The following ADAM19 variants were observed in gnomAD, a reference collection of about 807,000 sequenced individuals.
ADAM19 encodes ADAM metallopeptidase domain 19.
A neutral mutation model predicts 114.7 loss-of-function variants in ADAM19; 65 were observed. The observed-to-expected ratio is 0.57, with a 90% CI of 0.46 to 0.70. ADAM19 has a LOEUF of 0.70. ADAM19 is among the 30% of genes least tolerant of loss of function. The pLI is 0.00. For missense variants in ADAM19, 1,063 were observed against 1,204.7 expected (o/e 0.88, Z 1.74); for synonymous variants, 466 against 460.5 (o/e 1.01, Z -0.15).
In ADAM19 at chr5:157,479,416, A is replaced by C; in HGVS notation, c.*1533T>G. 1.0e-6 allele frequency: 1 copy of C among 986,014 alleles called. No individual in the cohort carries two copies. The highest frequency in any genetic ancestry group is 1.2e-6 in the Non-Finnish European group (1 of 830,086). 61.1% of individuals were successfully genotyped at this position (986,014 alleles called of 1,614,324 possible). A position where few individuals can be genotyped will look rare whatever the true frequency, so the allele number is the denominator to read the frequency against. ...GGCAGGATGGGAGGAGGCCCCAGGA[A>C]AGCCTCAGAGGAGTGAGAGTCAGGC... On this transcript the variant is annotated 3_prime_UTR_variant, in exon 23 of 23. Coordinates refer to ENST00000257527, the MANE Select transcript of ADAM19 (RefSeq NM_033274.5).
rs765072237 is a variant in ADAM19 at position 157,491,834 on chromosome 5, C to T, written c.1986+1G>A. 6.2e-7 allele frequency: 1 copy of T among 1,614,230 alleles called. No individual in the cohort carries two copies. Among genetic ancestry groups the T allele is most frequent in the Non-Finnish European group, 8.5e-7 (1 of 1,180,024 alleles). On this transcript the variant is annotated splice_donor_variant, in intron 17 of 22. Transcript: ENST00000257527. LOFTEE classifies it high-confidence loss of function. ...CAGAGAAGCCAGAACCCAGCACGCACCCCATGGCCATTGCACTTCTTCCCA... is the reference window on the plus strand; with the variant it reads ...CAGAGAAGCCAGAACCCAGCACGCATCCCATGGCCATTGCACTTCTTCCCA...
At position 157,481,850 on chromosome 5, in the gene ADAM19, G is replaced by C. The variant is rs778722685; in HGVS notation, c.2644C>G (p.Leu882Val). ...TGAGGGCCAGCACCAGGGGGCCGCA[G>C]TGGGGATGCACCTCCTGGCCTGGGG... is the stretch of plus-strand genomic sequence containing the variant. Reference protein sequence around the residue: ...SLPRPGGASPLRPPGAGPQQS... With the variant: ...SLPRPGGASPVRPPGAGPQQS... Residue 882 changes from leucine (L) to valine (V), a missense_variant, in exon 22 of 23, where the codon CTG becomes GTG. By Grantham distance (32) the Leu-to-Val change is conservative. Around this residue, in one of 3 missense-constraint regions of ADAM19, gnomAD observed 424 missense variants for 445.5 expected, o/e 0.95. Coordinates refer to ENST00000257527, the MANE Select transcript of ADAM19 (RefSeq NM_033274.5). The C allele has an allele frequency of 6.3e-7, 1 of 1,590,022 alleles. No individual in the cohort carries two copies. The highest frequency in any genetic ancestry group is 1.1e-5 in the South Asian group (1 of 87,332).
chr5:157,525,294 T>C (rs992759008), intron 5 of ADAM19, among the ~76,000 whole-genome samples: 2 of 152,190 alleles, frequency 1.3e-5, no homozygotes, highest in Non-Finnish European at 2.9e-5. Flanking sequence ...GACTTGCCAC[T>C]TCTTCTCCAG....
intron 8 of ADAM19, among the ~76,000 whole-genome samples, chr5:157,512,869 G>A (rs1057387026): frequency 6.6e-6 from 1 of 152,184 alleles, no homozygotes; most frequent in African/African-American, 2.4e-5. Context: ...AACTTTTAAG[G>A]CTGTGTGTCT....
rs1754674769 is a variant in ADAM19, at chr5:157,479,092, G to A, written c.*1857C>T. The A allele has an allele frequency of 2.0e-6, 2 of 985,720 alleles. No homozygotes were observed. Among genetic ancestry groups the A allele is most frequent in the South Asian group, 9.4e-5 (2 of 21,286 alleles). The allele number at this position is 985,720 out of a possible 1,614,324, so 61.1% of individuals were successfully genotyped here. Reference sequence around the variant, plus strand: ...AAAAGGTTGGGCCACAGGAAAGGTGGGGAATGGATCTCCACAGCAAGGATG... The same window carrying A: ...AAAAGGTTGGGCCACAGGAAAGGTGAGGAATGGATCTCCACAGCAAGGATG... On this transcript the variant is annotated 3_prime_UTR_variant, in exon 23 of 23. Transcript: ENST00000257527.
intron 7 of ADAM19, among the ~76,000 whole-genome samples, chr5:157,516,935 A>AGCAC (rs763936180): frequency 6.7e-6 from 1 of 150,254 alleles, no homozygotes; most frequent in South Asian, 2.1e-4. Flanking sequence ...GAAAACATAG[A>AGCAC]ACACACACAC....
At chr5:157,502,776 C>G (rs1755611170) in intron 12 of ADAM19, 27 bp downstream of exon 12, 1 of 1,602,302 alleles carries the variant, frequency 6.2e-7, no homozygotes. Flanking sequence ...TTCTTCCCCT[C>G]CCACTAGCAC....
At chr5:157,549,552 A>C (rs1462546322) in intron 3 of ADAM19, among the ~76,000 whole-genome samples, 1 of 152,152 alleles carries the variant, frequency 6.6e-6, no homozygotes, top group Non-Finnish European at 1.5e-5. Flanking sequence ...GCAAGACAAT[A>C]TTTCAAGTAA....
intron 5 of ADAM19, among the ~76,000 whole-genome samples, chr5:157,530,488 G>A (rs55931963): frequency 0.11 from 16,350 of 152,176 alleles, 929 homozygotes; most frequent in South Asian, 0.16. Flanking sequence ...TGGCACAGCC[G>A]GGCCCCTCCC....
chr5:157,546,082 C>T (rs985070569), intron 3 of ADAM19, among the ~76,000 whole-genome samples: 2 of 152,224 alleles, frequency 1.3e-5, no homozygotes, highest in Non-Finnish European at 2.9e-5. Flanking sequence ...GCCAGTGAGG[C>T]AGGCCTAGGT....
intron 1 of ADAM19, among the ~76,000 whole-genome samples, chr5:157,573,638 C>T (rs1370374206): frequency 6.6e-6 from 1 of 151,862 alleles, no homozygotes; most frequent in Non-Finnish European, 1.5e-5. Context: ...CCCAGCTACT[C>T]AGGAGGCTGA....
intron 1 of ADAM19, among the ~76,000 whole-genome samples, chr5:157,574,435 G>C (rs1196097925): frequency 6.6e-6 from 1 of 152,098 alleles, no homozygotes; most frequent in Non-Finnish European, 1.5e-5. Flanking sequence ...CTCAAAGGGC[G>C]GTTCCTTTGA....
rs539636103 is a variant in ADAM19 at position 157,504,848 on chromosome 5, G to T, written c.1130+821C>A. 1.6e-4 allele frequency among the ~76,000 whole-genome samples: 25 copies of T among 152,042 alleles called. No individual in the cohort carries two copies. The South Asian group carries it at 5.0e-3, about 30-fold the overall frequency. ...TTTAAAAATCCCTCATGTCCAGCGC[G>T]GTGGCTCACACCTGTAATCCCAGCA... On this transcript the variant is annotated intron_variant, in intron 11 of 22. Transcript: ENST00000257527.
intron 1 of ADAM19, among the ~76,000 whole-genome samples, chr5:157,573,162 T>TA (rs1485619894): frequency 2.0e-5 from 3 of 152,120 alleles, no homozygotes; most frequent in Non-Finnish European, 4.4e-5. Flanking sequence ...TCTACGATTG[T>TA]AAAAAAATAG....
intron 3 of ADAM19, among the ~76,000 whole-genome samples, chr5:157,560,235 A>T (rs1367579874): frequency 7.6e-6 from 1 of 131,014 alleles, no homozygotes; most frequent in African/African-American, 3.0e-5. Context: ...ACTGCACTCC[A>T]GCCTGGGCGA....
chr5:157,534,309 AATACAAAAATTAGCCAGGCGTG>A (rs915199413), intron 4 of ADAM19, among the ~76,000 whole-genome samples: 2 of 152,060 alleles, frequency 1.3e-5, no homozygotes, highest in Non-Finnish European at 2.9e-5. Context: ...TTCTACTAAA[AATACAAAAATTAGCCAGGCGTG>A]ATGGCGGGCA....
intron 13 of ADAM19, among the ~76,000 whole-genome samples, chr5:157,498,852 AT>A (rs570856578): frequency 4.6e-5 from 7 of 151,572 alleles, no homozygotes; most frequent in East Asian, 1.9e-4. Context: ...TTTAGGAGTG[AT>A]TTTTTTTTAA....
At chr5:157,515,320 A>G (rs370596637) in intron 7 of ADAM19, among the ~76,000 whole-genome samples, 2 of 152,238 alleles carry the variant, frequency 1.3e-5, no homozygotes, top group African/African-American at 4.8e-5. Context: ...TCAGGGCCAG[A>G]TTTCATTGTC....
intron 14 of ADAM19, among the ~76,000 whole-genome samples, chr5:157,496,053 C>T (rs1378371255): frequency 6.6e-6 from 1 of 151,154 alleles, no homozygotes; most frequent in East Asian, 2.0e-4. Context: ...CATCCCCCCA[C>T]CTCAGCCTCC....
Sources: gnomAD v4.1 joint callset for allele counts (sites outside exome capture counted in the v4.1 genomes callset) on GRCh38, gnomAD v4.1.1 for gene constraint, gnomAD v4.1.1 regional missense constraint, MANE v1.5 for transcripts, NCBI Gene and HGNC (gene_info 2026-07-23, HGNC 2026-07-21) for gene names.